Variants in CHP1 observed in about 807,000 individuals in gnomAD.
The protein encoded by CHP1 is calcineurin B homologous protein 1.
CHP1 carries 11 observed loss-of-function variants against 27.4 expected under a neutral mutation model. The ratio of observed to expected loss-of-function variants is 0.40; its 90% confidence interval spans 0.25 to 0.67. The LOEUF (loss-of-function observed/expected upper bound fraction) is 0.67. Ranked by LOEUF, CHP1 falls within the 30% of genes least tolerant of loss-of-function variation. The pLI is 0.38. For missense variants in CHP1, 169 were observed against 251.3 expected (o/e 0.67, Z 2.22); for synonymous variants, 89 against 87.4 (o/e 1.02, Z -0.10).
intron 2 of CHP1, among the ~76,000 whole-genome samples, chr15:41,249,966 A>G (rs1177965922): frequency 1.3e-5 from 2 of 151,944 alleles, no homozygotes; most frequent in African/African-American, 4.8e-5. Flanking sequence ...GCTCCAGTGG[A>G]ACATAAGGCA....
intron 1 of CHP1, among the ~76,000 whole-genome samples, chr15:41,236,955 A>C (rs998935683): frequency 6.8e-6 from 1 of 148,128 alleles, no homozygotes; most frequent in Non-Finnish European, 1.5e-5. Context: ...TCAGCTTCCC[A>C]AGTAGCTGGG....
rs980764588 is a variant in CHP1 at position 41,234,106 on chromosome 15, T to A, written c.67+2657T>A. ...CTAGGACTACAGGCGCATACCACCATGCTTACCTGATTTTTATTTTTATCT... is the reference window on the plus strand; with the variant it reads ...CTAGGACTACAGGCGCATACCACCAAGCTTACCTGATTTTTATTTTTATCT... On this transcript the variant is annotated intron_variant, in intron 1 of 6. Transcript: ENST00000334660. 2.0e-5 allele frequency: 3 copies of A among 152,150 alleles called. No homozygotes were observed. In the East Asian group the frequency reaches 5.8e-4, roughly 29 times the overall value. 9.4% of individuals were successfully genotyped at this position (152,150 alleles called of 1,614,324 possible). A position where few individuals can be genotyped will look rare whatever the true frequency, so the allele number is the denominator to read the frequency against.
chr15:41,280,178 C>CT lies in CHP1; in HGVS notation c.*790dup, dbSNP rs1438347740. 4 of 152,230 alleles carry CT rather than the reference C, an allele frequency of 2.6e-5. No individual in the cohort carries two copies. Among genetic ancestry groups the CT allele is most frequent in the Non-Finnish European group, 5.9e-5 (4 of 68,084 alleles). The allele number at this position is 152,230 out of a possible 1,614,324, so 9.4% of individuals were successfully genotyped here. On this transcript the variant is annotated 3_prime_UTR_variant, in exon 7 of 7. Coordinates refer to ENST00000334660, the MANE Select transcript of CHP1 (RefSeq NM_007236.5). ...TTCTAGGTTGCTTGCCCACATCACT[C>CT]TATCTCTGGCCTCTGATTCTCAACT... is the stretch of plus-strand genomic sequence containing the variant.
intron 2 of CHP1, among the ~76,000 whole-genome samples, chr15:41,247,595 C>T (rs1032422860): frequency 6.6e-6 from 1 of 151,648 alleles, no homozygotes; most frequent in African/African-American, 2.4e-5. Flanking sequence ...TCACTTGAAC[C>T]CGGGAGGTGG....
intron 6 of CHP1, 105 bp downstream of exon 6, chr15:41,278,994 C>T (rs1381975422): frequency 1.1e-5 from 15 of 1,399,778 alleles, no homozygotes; most frequent in Middle Eastern, 2.5e-4. Context: ...GGGCGGATCA[C>T]GAGGTCAGGA....
At chr15:41,264,136 C>CTTTTTTT in intron 4 of CHP1, 4 of 1,093,238 alleles carry the variant, frequency 3.7e-6, no homozygotes, top group South Asian at 1.4e-5. Context: ...GTTAACAGGG[C>CTTTTTTT]TTTTTTTTTT....
At chr15:41,252,180 C>CTT (rs796681229) in intron 2 of CHP1, among the ~76,000 whole-genome samples, 1 of 143,606 alleles carries the variant, frequency 7.0e-6, no homozygotes, top group Admixed American at 6.9e-5. Context: ...ATTTTCTTTT[C>CTT]TTTTTTTTTT....
At chr15:41,259,474 A>G (rs932704623) in intron 3 of CHP1, among the ~76,000 whole-genome samples, 4 of 147,642 alleles carry the variant, frequency 2.7e-5, no homozygotes, top group Non-Finnish European at 5.9e-5. Flanking sequence ...TCAGATAGAT[A>G]TATTTGGCTT....
intron 2 of CHP1, among the ~76,000 whole-genome samples, chr15:41,253,406 A>G (rs908314350): frequency 6.6e-6 from 1 of 151,246 alleles, no homozygotes; most frequent in African/African-American, 2.4e-5. Context: ...TATATTATTT[A>G]TTTAACAGTT....
At chr15:41,272,593 G>T (rs950518191) in intron 5 of CHP1, among the ~76,000 whole-genome samples, 5 of 151,646 alleles carry the variant, frequency 3.3e-5, no homozygotes, top group African/African-American at 1.2e-4. Context: ...GCTAATTTTT[G>T]TGTTTTTAGT....
intron 2 of CHP1, among the ~76,000 whole-genome samples, chr15:41,250,899 G>C (rs979614185): frequency 6.6e-6 from 1 of 150,848 alleles, no homozygotes; most frequent in Non-Finnish European, 1.5e-5. Context: ...GCACAATCTC[G>C]GCTCACTGCA....
At chr15:41,261,238 T>C (rs1030317788) in intron 3 of CHP1, among the ~76,000 whole-genome samples, 14 of 151,862 alleles carry the variant, frequency 9.2e-5, no homozygotes, top group Non-Finnish European at 1.9e-4. Context: ...CACTGCAGCC[T>C]CTGCCTCCCA....
At position 41,236,520 on chromosome 15, in the gene CHP1, C is replaced by G. The variant is rs1017385496; in HGVS notation, c.67+5071C>G. On this transcript the variant is annotated intron_variant, in intron 1 of 6. Coordinates refer to ENST00000334660, the MANE Select transcript of CHP1 (RefSeq NM_007236.5). ...CAGGTGGTCCGCTCATCCCAGTCCC[C>G]CAAAGTGCTGCGATTACAGAGGTGA... Among the ~76,000 whole-genome samples the G allele has an allele frequency of 4.6e-5, 7 of 152,132 alleles. No individual in the cohort carries two copies. In the East Asian group the frequency reaches 1.4e-3, roughly 30 times the overall value.
intron 2 of CHP1, among the ~76,000 whole-genome samples, chr15:41,249,938 A>G (rs1460195991): frequency 2.0e-5 from 3 of 151,098 alleles, no homozygotes; most frequent in African/African-American, 7.3e-5. Context: ...GGCATTCTGC[A>G]TTCCTTTGTA....
intron 3 of CHP1, among the ~76,000 whole-genome samples, chr15:41,260,262 T>C (rs1427039300): frequency 6.6e-6 from 1 of 152,054 alleles, no homozygotes; most frequent in East Asian, 1.9e-4. Flanking sequence ...TTTTTTAATA[T>C]TAAAGAACAT....
chr15:41,257,494 A>T (rs2047406416), intron 3 of CHP1, among the ~76,000 whole-genome samples: 1 of 151,304 alleles, frequency 6.6e-6, no homozygotes, highest in Non-Finnish European at 1.5e-5. Context: ...TATATATTTT[A>T]TTTAATATAT....
intron 5 of CHP1, among the ~76,000 whole-genome samples, chr15:41,276,856 A>G (rs1046991398): frequency 6.6e-6 from 1 of 152,234 alleles, no homozygotes; most frequent in Non-Finnish European, 1.5e-5. Context: ...TAGATTGTCC[A>G]GGCTGGTACA....
At chr15:41,235,003 CTG>C (rs1020670688) in intron 1 of CHP1, among the ~76,000 whole-genome samples, 14 of 152,190 alleles carry the variant, frequency 9.2e-5, no homozygotes, top group African/African-American at 3.4e-4. Context: ...GTTTATGAAA[CTG>C]TTATGATGTT....
chr15:41,275,445 A>G (rs1313175413), intron 5 of CHP1, among the ~76,000 whole-genome samples: 2 of 151,946 alleles, frequency 1.3e-5, no homozygotes, highest in Admixed American at 1.3e-4. Context: ...GTGAGCCACC[A>G]CCCCCGGCCA....
Sources: allele counts gnomAD v4.1 joint callset (sites outside exome capture counted in the v4.1 genomes callset), GRCh38; gene constraint gnomAD v4.1.1; transcripts MANE v1.5; gene names NCBI Gene and HGNC (gene_info 2026-07-23, HGNC 2026-07-21).